The following TJAP1 variants were observed in gnomAD, a reference collection of about 807,000 sequenced individuals.
The protein encoded by TJAP1 is tight junction-associated protein 1.
Under a neutral mutation model 42.0 loss-of-function variants are expected in TJAP1, and 27 were observed. That is an observed-to-expected ratio of 0.64 (90% CI 0.47 to 0.89). The LOEUF (loss-of-function observed/expected upper bound fraction) is 0.89, where lower values mean the gene tolerates loss of function less well. Among genes scored for constraint, TJAP1 ranks in the 40% least tolerant of loss-of-function variants. The pLI is 0.00. For synonymous variants in TJAP1, 257 were observed against 288.4 expected (o/e 0.89, Z 1.10); for missense variants, 712 against 726.9 (o/e 0.98, Z 0.24).
At chr6:43,484,172 T>C (rs78274440) in intron 2 of TJAP1, among the ~76,000 whole-genome samples, 3 of 152,068 alleles carry the variant, frequency 2.0e-5, no homozygotes, top group East Asian at 3.9e-4. Flanking sequence ...TAAAAGACAC[T>C]TGGGGCTGGG....
At chr6:43,482,788 C>G (rs529828534) in intron 2 of TJAP1, among the ~76,000 whole-genome samples, 2 of 152,286 alleles carry the variant, frequency 1.3e-5, no homozygotes, top group Non-Finnish European at 2.9e-5. Context: ...CTTCTCACAC[C>G]AGTCTATCTT....
intron 2 of TJAP1, chr6:43,497,630 A>G (rs1431168940): frequency 6.6e-6 from 1 of 152,264 alleles, no homozygotes; most frequent in Non-Finnish European, 1.5e-5. Flanking sequence ...CAATGTGCTG[A>G]GACCATGAAC....
At chr6:43,487,568 T>C (rs1272012318) in intron 2 of TJAP1, among the ~76,000 whole-genome samples, 1 of 152,062 alleles carries the variant, frequency 6.6e-6, no homozygotes. Context: ...ACCCTCACAA[T>C]GGGAGAGCTC....
chr6:43,479,244 C>A (rs911597706), intron 2 of TJAP1, among the ~76,000 whole-genome samples: 2 of 152,160 alleles, frequency 1.3e-5, no homozygotes, highest in African/African-American at 4.8e-5. Flanking sequence ...ATGGTTTGAT[C>A]TAGAACTCTT....
intron 2 of TJAP1, among the ~76,000 whole-genome samples, chr6:43,486,027 A>G: frequency 6.7e-6 from 1 of 149,010 alleles, no homozygotes; most frequent in East Asian, 2.0e-4. Flanking sequence ...GGTGGAGTGC[A>G]GTGGCGCGAT....
intron 2 of TJAP1, among the ~76,000 whole-genome samples, chr6:43,479,691 G>T (rs920758216): frequency 6.6e-6 from 1 of 152,198 alleles, no homozygotes; most frequent in African/African-American, 2.4e-5. Flanking sequence ...AAAAGCACTG[G>T]CAGGGTGCAG....
chr6:43,480,041 T>A (rs2127454367), intron 2 of TJAP1, among the ~76,000 whole-genome samples: 1 of 152,332 alleles, frequency 6.6e-6, no homozygotes, highest in South Asian at 2.1e-4. Context: ...GTGACCTTTA[T>A]TAATGGCATA....
At chr6:43,502,883 C>G in intron 8 of TJAP1, 3 of 571,072 alleles carry the variant, frequency 5.3e-6, no homozygotes, top group Non-Finnish European at 3.1e-6. Context: ...GGCAGCAAGC[C>G]CAGGCTGTGG....
chr6:43,503,672 A>G, exon 10 of TJAP1: 2 of 1,614,108 alleles, frequency 1.2e-6, no homozygotes, highest in Non-Finnish European at 8.5e-7. Context: ...CTCAAGTGCA[A>G]CAAGTCCCAC....
At chr6:43,482,571 C>A (rs1785540143) in intron 2 of TJAP1, among the ~76,000 whole-genome samples, 1 of 152,190 alleles carries the variant, frequency 6.6e-6, no homozygotes, top group Non-Finnish European at 1.5e-5. Context: ...CCCTTGAGTG[C>A]CCTTCTTCTG....
intron 8 of TJAP1, 85 bp downstream of exon 8, chr6:43,502,702 C>A: frequency 6.9e-7 from 1 of 1,456,512 alleles, no homozygotes; most frequent in Non-Finnish European, 9.4e-7. Flanking sequence ...GGCTGTTACC[C>A]TGTGCCCCTT....
chr6:43,480,040 A>G (rs1398022749), intron 2 of TJAP1, among the ~76,000 whole-genome samples: 1 of 152,182 alleles, frequency 6.6e-6, no homozygotes, highest in Non-Finnish European at 1.5e-5. Flanking sequence ...TGTGACCTTT[A>G]TTAATGGCAT....
At position 43,505,147 on chromosome 6, in the gene TJAP1, A is replaced by T; in HGVS notation, c.966A>T (p.Pro322=). The T allele has an allele frequency of 6.2e-7, 1 of 1,614,112 alleles. No individual in the cohort carries two copies. The highest frequency in any genetic ancestry group is 8.5e-7 in the Non-Finnish European group (1 of 1,180,016). The change falls in exon 11 of 11, where the codon CCA becomes CCT. Residue 322 remains proline, a synonymous_variant. Coordinates refer to ENST00000372449, the Ensembl canonical transcript of TJAP1. The surrounding 1 kb of genome is among the most constrained non-coding windows in gnomAD (Gnocchi z 5.5). Reference sequence around the variant, plus strand: ...ACCCCTACCCAACCCCGTCTCCACCACACCCACTGTATCCTGGCCGCAGGG... The same window carrying T: ...ACCCCTACCCAACCCCGTCTCCACCTCACCCACTGTATCCTGGCCGCAGGG...
chr6:43,501,544 T>A (rs746342734), exon 6 of TJAP1: 1 of 1,613,586 alleles, frequency 6.2e-7, no homozygotes, highest in Non-Finnish European at 8.5e-7. Flanking sequence ...AGGAGGAGAA[T>A]GAAGAGCTTC....
rs1349648910 is a variant in TJAP1, at chr6:43,491,150, T to A, written c.-121-6731T>A. 6.6e-6 allele frequency among the ~76,000 whole-genome samples: 1 copy of A among 151,418 alleles called. No homozygotes were observed. Among genetic ancestry groups the A allele is most frequent in the Non-Finnish European group, 1.5e-5 (1 of 67,926 alleles). ...AGCCTACCAGCACTGGGTGGGAGCT[T>A]GTAAATGGGAGAGGGTGTGTTATGG... On this transcript the variant is annotated intron_variant, in intron 2 of 10. Coordinates refer to ENST00000372449, the Ensembl canonical transcript of TJAP1. The surrounding 1 kb of genome is among the most constrained non-coding windows in gnomAD (Gnocchi z 4.6).
In TJAP1 at chr6:43,503,603, A is replaced by C. The variant is rs758159838; in HGVS notation, c.496-20A>C. ...TTGGAGAGGGCTGGGCTGGGCTCTG[A>C]AACAGGTCTGTGTCTGTAGGAGCGG... On this transcript the variant is annotated intron_variant, in intron 9 of 10. Transcript: ENST00000372449. 2.5e-6 allele frequency: 4 copies of C among 1,613,560 alleles called. No individual in the cohort carries two copies. The highest frequency in any genetic ancestry group is 4.5e-5 in the East Asian group (2 of 44,886).
At chr6:43,501,251 A>G (rs745718899) in intron 5 of TJAP1, 15 of 444,696 alleles carry the variant, frequency 3.4e-5, no homozygotes, top group Non-Finnish European at 5.6e-5. Context: ...CCTACCCCCA[A>G]TTCTTTATTT....
chr6:43,506,226 GT>G (rs577275176), exon 11 of TJAP1: 21 of 174,080 alleles, frequency 1.2e-4, no homozygotes, highest in South Asian at 2.0e-4. Flanking sequence ...TTGTTATTTT[GT>G]TTTTTTTTGG....
intron 5 of TJAP1, chr6:43,501,149 A>G: frequency 2.7e-6 from 1 of 377,050 alleles, no homozygotes; most frequent in Non-Finnish European, 4.8e-6. Flanking sequence ...TGAATAATGG[A>G]GAAGCCTGAT....
Sources: allele counts gnomAD v4.1 joint callset (sites outside exome capture counted in the v4.1 genomes callset), GRCh38; gene constraint gnomAD v4.1.1; non-coding constraint Gnocchi (gnomAD v3.1); transcripts MANE v1.5; gene names NCBI Gene and HGNC (gene_info 2026-07-23, HGNC 2026-07-21).